The following ZSWIM5 variants were observed in gnomAD, a reference collection of about 807,000 sequenced individuals.
The protein encoded by ZSWIM5 is zinc finger SWIM domain-containing protein 5.
Under a neutral mutation model 119.6 loss-of-function variants are expected in ZSWIM5, and 55 were observed. The ratio of observed to expected loss-of-function variants is 0.46; its 90% CI spans 0.37 to 0.58. The LOEUF (loss-of-function observed/expected upper bound fraction) is 0.58. ZSWIM5 is among the 20% of genes least tolerant of loss of function. The pLI, the probability that ZSWIM5 is intolerant of heterozygous loss-of-function variation, is 0.00. For missense variants in ZSWIM5, 1,193 were observed against 1,512.8 expected (o/e 0.79, Z 3.51); for synonymous variants, 537 against 606.9 (o/e 0.88, Z 1.69).
intron 1 of ZSWIM5, among the ~76,000 whole-genome samples, chr1:45,132,138 T>G (rs1645661068): frequency 1.3e-5 from 2 of 151,226 alleles, no homozygotes; most frequent in South Asian, 4.2e-4. Context: ...TATATGTAAT[T>G]GAATATCACT....
intron 1 of ZSWIM5, among the ~76,000 whole-genome samples, chr1:45,117,288 T>A (rs1328387139): frequency 2.0e-5 from 3 of 152,188 alleles, no homozygotes; most frequent in Admixed American, 6.5e-5. Flanking sequence ...CAACTCTAGA[T>A]AGAGGATCAT....
chr1:45,194,096 C>T (rs1261863521), intron 1 of ZSWIM5, among the ~76,000 whole-genome samples: 1 of 152,064 alleles, frequency 6.6e-6, no homozygotes, highest in African/African-American at 2.4e-5. Flanking sequence ...TTACTAATAA[C>T]ATCAATGTAT....
chr1:45,130,525 A>G (rs1396200536), intron 1 of ZSWIM5, among the ~76,000 whole-genome samples: 1 of 152,180 alleles, frequency 6.6e-6, no homozygotes, highest in African/African-American at 2.4e-5. Context: ...AAACAAATTA[A>G]AACCACAATG....
chr1:45,185,735 T>C lies in ZSWIM5; in HGVS notation c.595+20021A>G, dbSNP rs540449127. ...TCACACCAGTTAGAATGGTGATCAT[T>C]AGAAGTCAGGAAACAACGGGTGCTG... is the stretch of plus-strand genomic sequence containing the variant. On this transcript the variant is annotated intron_variant, in intron 1 of 13. Transcript: ENST00000359600. 2.7e-4 allele frequency among the ~76,000 whole-genome samples: 41 copies of C among 152,262 alleles called. No homozygotes were observed. The South Asian group carries it at 8.1e-3, about 30-fold the overall frequency.
In ZSWIM5 at chr1:45,189,176, A is replaced by G. The variant is rs530077858; in HGVS notation, c.595+16580T>C. Among the ~76,000 whole-genome samples, 4 of 152,260 alleles carry G rather than the reference A, an allele frequency of 2.6e-5. No individual in the cohort carries two copies. The East Asian group carries it at 7.7e-4, about 29-fold the overall frequency. Reference sequence around the variant, plus strand: ...CTAATAATACAAAAATTAGCCAGGGATGGTAGTGCACACCTACAATCCCAG... The same window carrying G: ...CTAATAATACAAAAATTAGCCAGGGGTGGTAGTGCACACCTACAATCCCAG... On this transcript the variant is annotated intron_variant, in intron 1 of 13. Coordinates refer to ENST00000359600, the MANE Select transcript of ZSWIM5 (RefSeq NM_020883.2).
chr1:45,050,988 G>C, intron 5 of ZSWIM5, 86 bp downstream of exon 5: 1 of 1,313,224 alleles, frequency 7.6e-7, no homozygotes, highest in Non-Finnish European at 1.0e-6. Context: ...CAGCTAAAAG[G>C]CTATCCAGCT....
chr1:45,058,853 A>G, intron 3 of ZSWIM5, 94 bp from the exon 4 acceptor site: 2 of 1,407,158 alleles, frequency 1.4e-6, no homozygotes, highest in Non-Finnish European at 2.0e-6. Context: ...AAGATGAAGT[A>G]TCTGAGTACA....
chr1:45,049,556 TG>T (rs1170143444), intron 5 of ZSWIM5, among the ~76,000 whole-genome samples: 1 of 152,134 alleles, frequency 6.6e-6, no homozygotes. Context: ...CGGTGGCTCA[TG>T]CCTGTAATAC....
At chr1:45,111,692 G>GGCTGTATCTTAC (rs1203398237) in intron 1 of ZSWIM5, among the ~76,000 whole-genome samples, 7 of 152,226 alleles carry the variant, frequency 4.6e-5, no homozygotes, top group Non-Finnish European at 1.0e-4. Flanking sequence ...TGCCAGCAAT[G>GGCTGTATCTTAC]GCTGTATCTT....
chr1:45,039,478 T>C (rs1192949809), intron 7 of ZSWIM5, among the ~76,000 whole-genome samples: 1 of 152,144 alleles, frequency 6.6e-6, no homozygotes, highest in African/African-American at 2.4e-5. Context: ...CTCCGCCTCC[T>C]GGGTTCAAAC....
At chr1:45,097,061 GTGCAGCAAGAGCTC>G (rs1303885654) in intron 1 of ZSWIM5, among the ~76,000 whole-genome samples, 1 of 152,170 alleles carries the variant, frequency 6.6e-6, no homozygotes, top group Non-Finnish European at 1.5e-5. Flanking sequence ...ATGCTTAAAT[GTGCAGCAAGAGCTC>G]TGGGAACCAC....
At chr1:45,042,613 A>C (rs1055286496) in intron 6 of ZSWIM5, among the ~76,000 whole-genome samples, 2 of 152,228 alleles carry the variant, frequency 1.3e-5, no homozygotes, top group African/African-American at 4.8e-5. Context: ...AGGCTTGGAA[A>C]ATGAATATTT....
intron 1 of ZSWIM5, among the ~76,000 whole-genome samples, chr1:45,102,463 A>T (rs1446523233): frequency 1.3e-5 from 2 of 152,078 alleles, no homozygotes; most frequent in African/African-American, 4.8e-5. Flanking sequence ...CTCATTTTTC[A>T]TCAGTCATAT....
intron 2 of ZSWIM5, among the ~76,000 whole-genome samples, chr1:45,063,550 T>TATGAA (rs1645165206): frequency 1.3e-5 from 2 of 152,218 alleles, no homozygotes; most frequent in African/African-American, 4.8e-5. Flanking sequence ...ATGATATGCT[T>TATGAA]CAGCCAGAAA....
At chr1:45,155,362 A>C (rs1292985550) in intron 1 of ZSWIM5, among the ~76,000 whole-genome samples, 2 of 152,200 alleles carry the variant, frequency 1.3e-5, no homozygotes, top group Non-Finnish European at 2.9e-5. Flanking sequence ...CCATTATCAA[A>C]AAATAATAAT....
chr1:45,107,837 G>A (rs1173787369), intron 1 of ZSWIM5, among the ~76,000 whole-genome samples: 3 of 151,488 alleles, frequency 2.0e-5, no homozygotes, highest in East Asian at 1.9e-4. Flanking sequence ...TGTCACCTAC[G>A]CTGGAGTGCA....
chr1:45,183,221 C>A (rs1438357256), intron 1 of ZSWIM5, among the ~76,000 whole-genome samples: 2 of 149,258 alleles, frequency 1.3e-5, no homozygotes, highest in Admixed American at 6.7e-5. Context: ...ACACAACATA[C>A]CAGAATCTCT....
chr1:45,180,422 A>G (rs1646009563), intron 1 of ZSWIM5, among the ~76,000 whole-genome samples: 1 of 152,206 alleles, frequency 6.6e-6, no homozygotes, highest in Non-Finnish European at 1.5e-5. Flanking sequence ...TAAACAAAGC[A>G]GCCGGGAAGC....
intron 4 of ZSWIM5, among the ~76,000 whole-genome samples, chr1:45,051,558 G>C (rs1402619729): frequency 6.6e-6 from 1 of 152,210 alleles, no homozygotes; most frequent in South Asian, 2.1e-4. Flanking sequence ...TTAAGGCTCT[G>C]TGCTGGTGAA....
Sources: allele counts gnomAD v4.1 joint callset (sites outside exome capture counted in the v4.1 genomes callset), GRCh38; gene constraint gnomAD v4.1.1; transcripts MANE v1.5; gene names NCBI Gene and HGNC (gene_info 2026-07-23, HGNC 2026-07-21).